PTPRD: variants seen among roughly 807,000 people sequenced by gnomAD.
The protein encoded by PTPRD is receptor-type tyrosine-protein phosphatase delta.
PTPRD carries 34 observed loss-of-function variants against 214.5 expected under a neutral mutation model. The observed-to-expected ratio is 0.16, with a 90% CI of 0.12 to 0.21. The LOEUF is 0.21. Among genes scored for constraint, PTPRD ranks in the 10% least tolerant of loss-of-function variants. The pLI is 1.00. For synonymous variants in PTPRD, 1,128 were observed against 845.7 expected (o/e 1.33, Z -5.79); for missense variants, 2,545 against 2,398.7 (o/e 1.06, Z -1.27).
At chr9:9,414,093 C>T (rs1266844327) in intron 8 of PTPRD, among the ~76,000 whole-genome samples, 1 of 152,230 alleles carries the variant, frequency 6.6e-6, no homozygotes, top group Non-Finnish European at 1.5e-5. Flanking sequence ...TGGGTTCAAA[C>T]TCTCTCCTGA....
At chr9:10,578,121 G>A (rs2070198533) in intron 2 of PTPRD, among the ~76,000 whole-genome samples, 2 of 151,882 alleles carry the variant, frequency 1.3e-5, no homozygotes, top group Admixed American at 1.3e-4. Flanking sequence ...TGTTGGTTAG[G>A]TTGGTCTCAA....
At chr9:9,251,631 AT>A in intron 9 of PTPRD, among the ~76,000 whole-genome samples, 1 of 152,080 alleles carries the variant, frequency 6.6e-6, no homozygotes, top group South Asian at 2.1e-4. Context: ...TGCTATTATT[AT>A]TTTTTGTATT....
At chr9:9,062,459 C>T (rs2099709250) in intron 10 of PTPRD, among the ~76,000 whole-genome samples, 1 of 152,108 alleles carries the variant, frequency 6.6e-6, no homozygotes, top group Admixed American at 6.5e-5. Context: ...TCAGTCATCA[C>T]AAGTTTTCCT....
chr9:9,024,378 G>T (rs1230221332), intron 10 of PTPRD, among the ~76,000 whole-genome samples: 1 of 130,602 alleles, frequency 7.7e-6, no homozygotes, highest in East Asian at 2.5e-4. Flanking sequence ...TGTATAAACA[G>T]CCTTGTGATA....
chr9:10,127,871 A>G (rs1292654847), intron 3 of PTPRD, among the ~76,000 whole-genome samples: 1 of 152,144 alleles, frequency 6.6e-6, no homozygotes, highest in Non-Finnish European at 1.5e-5. Context: ...GTAGCCTTAA[A>G]ATTCCCCGTC....
chr9:8,662,879 A>G (rs951387198), intron 12 of PTPRD, among the ~76,000 whole-genome samples: 1 of 152,162 alleles, frequency 6.6e-6, no homozygotes, highest in African/African-American at 2.4e-5. Context: ...TCTTAAAGGA[A>G]ACCTCTTTCT....
chr9:8,736,264 C>G, intron 11 of PTPRD, among the ~76,000 whole-genome samples: 1 of 152,086 alleles, frequency 6.6e-6, no homozygotes, highest in East Asian at 1.9e-4. Flanking sequence ...CTATAGAACC[C>G]TCAATAAATC....
chr9:9,651,080 C>T (rs1234951729), intron 7 of PTPRD, among the ~76,000 whole-genome samples: 1 of 151,940 alleles, frequency 6.6e-6, no homozygotes, highest in Non-Finnish European at 1.5e-5. Context: ...AAATAATATA[C>T]CCATGGTTAC....
chr9:10,448,692 T>G (rs1215232262), intron 2 of PTPRD, among the ~76,000 whole-genome samples: 1 of 151,988 alleles, frequency 6.6e-6, no homozygotes, highest in African/African-American at 2.4e-5. Flanking sequence ...GAGCTAAGGA[T>G]GTTTAGTTAA....
intron 5 of PTPRD, among the ~76,000 whole-genome samples, chr9:9,936,990 CCACATATTCT>C (rs1244119475): frequency 1.3e-5 from 2 of 151,478 alleles, no homozygotes; most frequent in Non-Finnish European, 2.9e-5. Flanking sequence ...AAACCAAACC[CCACATATTCT>C]CACTCATAGG....
chr9:8,433,380 AT>A (rs1199300306), intron 35 of PTPRD, among the ~76,000 whole-genome samples: 2 of 152,216 alleles, frequency 1.3e-5, no homozygotes, highest in Middle Eastern at 6.3e-3. Flanking sequence ...TTTTATTGTT[AT>A]TTTAAAATGC....
chr9:9,759,527 C>T (rs148294451), intron 6 of PTPRD, among the ~76,000 whole-genome samples: 20 of 149,490 alleles, frequency 1.3e-4, no homozygotes, highest in African/African-American at 4.7e-4. Context: ...GAAAATGATG[C>T]AAACATCTTC....
At chr9:8,499,255 C>T (rs1464325991) in intron 25 of PTPRD, among the ~76,000 whole-genome samples, 1 of 152,148 alleles carries the variant, frequency 6.6e-6, no homozygotes, top group Non-Finnish European at 1.5e-5. Context: ...GAAATTAGAA[C>T]AACTAAGTTG....
At chr9:9,744,169 G>A (rs2761695) in intron 6 of PTPRD, among the ~76,000 whole-genome samples, 75,383 of 151,892 alleles carry the variant, frequency 0.5, 22,350 homozygotes, top group African/African-American at 0.82. Flanking sequence ...CCTTCCAAAT[G>A]ATCACACTTC....
chr9:10,034,892 C>T (rs2097150164), intron 3 of PTPRD, among the ~76,000 whole-genome samples: 1 of 152,082 alleles, frequency 6.6e-6, no homozygotes, highest in African/African-American at 2.4e-5. Context: ...TGAACATACA[C>T]GTGCATGTGT....
intron 8 of PTPRD, among the ~76,000 whole-genome samples, chr9:9,527,948 T>C (rs1408825406): frequency 1.3e-5 from 2 of 152,190 alleles, no homozygotes; most frequent in Non-Finnish European, 2.9e-5. Flanking sequence ...TTTTCAGGCA[T>C]TGGATAACAA....
At chr9:10,162,812 C>G (rs1592832296) in intron 3 of PTPRD, among the ~76,000 whole-genome samples, 1 of 149,188 alleles carries the variant, frequency 6.7e-6, no homozygotes, top group Middle Eastern at 3.6e-3. Context: ...TATAGCTTTA[C>G]TTTATTAAGC....
intron 9 of PTPRD, among the ~76,000 whole-genome samples, chr9:9,341,816 T>A (rs1235408233): frequency 6.6e-6 from 1 of 151,294 alleles, no homozygotes; most frequent in South Asian, 2.1e-4. Flanking sequence ...TATTATTATT[T>A]TTATTTTCCA....
At chr9:10,579,961 T>C (rs544715735) in intron 2 of PTPRD, among the ~76,000 whole-genome samples, 4 of 152,148 alleles carry the variant, frequency 2.6e-5, no homozygotes, top group Admixed American at 6.6e-5. Flanking sequence ...GGGTTGTTTT[T>C]TGCGTGTTGA....
Sources: gnomAD v4.1 joint callset for allele counts (sites outside exome capture counted in the v4.1 genomes callset) on GRCh38, gnomAD v4.1.1 for gene constraint, MANE v1.5 for transcripts, NCBI Gene and HGNC (gene_info 2026-07-23, HGNC 2026-07-21) for gene names.